The following GRIN3A variants were observed in gnomAD, a reference collection of about 807,000 sequenced individuals.
GRIN3A encodes the protein glutamate receptor ionotropic, NMDA 3A.
In GRIN3A, 47 loss-of-function variants were observed where a neutral mutation model predicts 92.4. The ratio of observed to expected loss-of-function variants is 0.51; its 90% CI spans 0.40 to 0.65. The LOEUF is 0.65. GRIN3A is among the 30% of genes least tolerant of loss of function. The pLI is 0.00. For synonymous variants in GRIN3A, 527 were observed against 540.6 expected, an observed-to-expected ratio of 0.97 and a Z score of 0.35; for missense variants, 1,324 against 1,393.1, an observed-to-expected ratio of 0.95 and a Z score of 0.79.
In GRIN3A at chr9:101,572,321, C is replaced by T. The variant is rs1588231991; in HGVS notation, c.*853G>A. ...GGTCCAACCTAAGGCCACAACCTTG[C>T]TTTGCCTTTTTCTCTCTTTTCCTTT... On this transcript the variant is annotated 3_prime_UTR_variant, in exon 9 of 9. Transcript: ENST00000361820. 1 of 152,718 alleles carries T rather than the reference C, an allele frequency of 6.5e-6. No individual in the cohort carries two copies. Among genetic ancestry groups the T allele is most frequent in the Non-Finnish European group, 1.5e-5 (1 of 68,076 alleles). 9.5% of individuals were successfully genotyped at this position (152,718 alleles called of 1,614,324 possible).
At chr9:101,711,856 G>A (rs1195541599) in intron 1 of GRIN3A, among the ~76,000 whole-genome samples, 3 of 152,140 alleles carry the variant, frequency 2.0e-5, no homozygotes, top group Non-Finnish European at 4.4e-5. Flanking sequence ...TTTAATGAGA[G>A]ACAGTAGCTA....
intron 6 of GRIN3A, among the ~76,000 whole-genome samples, chr9:101,598,509 GC>G (rs1828169764): frequency 6.6e-6 from 1 of 152,166 alleles, no homozygotes; most frequent in Non-Finnish European, 1.5e-5. Flanking sequence ...CCACTTAGTA[GC>G]AGTAAGACCT....
intron 3 of GRIN3A, among the ~76,000 whole-genome samples, chr9:101,657,763 A>G (rs1437113264): frequency 7.4e-6 from 1 of 134,596 alleles, no homozygotes; most frequent in Non-Finnish European, 1.7e-5. Context: ...CAGATAAGCA[A>G]CTTCTTCTTT....
intron 2 of GRIN3A, among the ~76,000 whole-genome samples, chr9:101,671,736 A>C (rs1427535642): frequency 6.6e-6 from 1 of 152,182 alleles, no homozygotes; most frequent in Non-Finnish European, 1.5e-5. Flanking sequence ...GATCTCATCC[A>C]TGGAACAAAG....
chr9:101,617,801 C>T (rs1371832231), intron 5 of GRIN3A, among the ~76,000 whole-genome samples: 1 of 143,740 alleles, frequency 7.0e-6, no homozygotes, highest in Non-Finnish European at 1.5e-5. Flanking sequence ...TCCCCCCTCC[C>T]CCAACCCCAC....
At chr9:101,588,344 C>T (rs1375158470) in intron 6 of GRIN3A, among the ~76,000 whole-genome samples, 1 of 152,110 alleles carries the variant, frequency 6.6e-6, no homozygotes, top group African/African-American at 2.4e-5. Context: ...AGTGCTCACA[C>T]ATTTGGATAA....
chr9:101,614,289 A>C (rs868834581), intron 5 of GRIN3A, among the ~76,000 whole-genome samples: 9 of 152,350 alleles, frequency 5.9e-5, no homozygotes, highest in African/African-American at 2.2e-4. Flanking sequence ...CGCCACAAGC[A>C]TATCAGGAGA....
At chr9:101,681,151 T>TA (rs1449588256) in intron 2 of GRIN3A, among the ~76,000 whole-genome samples, 1 of 152,172 alleles carries the variant, frequency 6.6e-6, no homozygotes, top group East Asian at 1.9e-4. Context: ...GAACAGCAGG[T>TA]AAATTCTCAA....
intron 1 of GRIN3A, among the ~76,000 whole-genome samples, chr9:101,732,021 T>G (rs1830144765): frequency 6.6e-6 from 1 of 152,246 alleles, no homozygotes; most frequent in Admixed American, 6.5e-5. Context: ...TATTCTTGTG[T>G]ATATGTGGCA....
At chr9:101,589,852 A>T (rs1373351647) in intron 6 of GRIN3A, among the ~76,000 whole-genome samples, 1 of 152,144 alleles carries the variant, frequency 6.6e-6, no homozygotes, top group East Asian at 1.9e-4. Flanking sequence ...CCTTCAGTCC[A>T]TTTTGAACTT....
At chr9:101,648,941 C>A (rs1828975406) in intron 3 of GRIN3A, among the ~76,000 whole-genome samples, 1 of 151,956 alleles carries the variant, frequency 6.6e-6, no homozygotes, top group South Asian at 2.1e-4. Context: ...ATAGTGAGCA[C>A]TGGAACTAAA....
chr9:101,605,409 G>T (rs1325925031), intron 6 of GRIN3A, among the ~76,000 whole-genome samples: 2 of 152,154 alleles, frequency 1.3e-5, no homozygotes, highest in Admixed American at 6.5e-5. Flanking sequence ...TTGTGTTCAT[G>T]ACATTTTGAT....
intron 1 of GRIN3A, among the ~76,000 whole-genome samples, chr9:101,725,061 C>G (rs1564153411): frequency 6.6e-6 from 1 of 152,122 alleles, no homozygotes; most frequent in Non-Finnish European, 1.5e-5. Flanking sequence ...AATACAGTTT[C>G]TTGAGTGTGG....
chr9:101,612,406 G>C (rs1027902020), intron 6 of GRIN3A, among the ~76,000 whole-genome samples: 3 of 152,160 alleles, frequency 2.0e-5, no homozygotes, highest in African/African-American at 4.8e-5. Flanking sequence ...AGATTTAGGA[G>C]GGAAGATCAA....
chr9:101,618,416 C>T (rs962239616), intron 5 of GRIN3A, among the ~76,000 whole-genome samples: 9 of 152,072 alleles, frequency 5.9e-5, no homozygotes, highest in African/African-American at 2.2e-4. Flanking sequence ...GAAAAGAAGA[C>T]ATTTATGCAG....
At position 101,623,439 on chromosome 9, in the gene GRIN3A, T is replaced by A; in HGVS notation, c.2499-6A>T. The A allele has an allele frequency of 6.5e-7, 1 of 1,544,622 alleles. No homozygotes were observed. The highest frequency in any genetic ancestry group is 1.1e-5 in the South Asian group (1 of 89,694). Reference sequence around the variant, plus strand: ...CTAGTTTCTCTGGATCATTCCTATATTTAAGACCAGAGGAGAAAAGTGAAA... The same window carrying A: ...CTAGTTTCTCTGGATCATTCCTATAATTAAGACCAGAGGAGAAAAGTGAAA... On this transcript the variant is annotated splice_region_variant and splice_polypyrimidine_tract_variant and intron_variant, in intron 4 of 8. Coordinates refer to ENST00000361820, the MANE Select transcript of GRIN3A (RefSeq NM_133445.3).
intron 3 of GRIN3A, among the ~76,000 whole-genome samples, chr9:101,652,224 A>C (rs944136361): frequency 3.9e-5 from 6 of 152,022 alleles, no homozygotes; most frequent in African/African-American, 1.4e-4. Context: ...GTTATGGAAC[A>C]GAGACAAAAT....
chr9:101,637,124 G>A (rs139178972), intron 3 of GRIN3A, among the ~76,000 whole-genome samples: 8 of 151,532 alleles, frequency 5.3e-5, no homozygotes, highest in East Asian at 1.9e-4. Context: ...ACAGAGTCTC[G>A]CTCTGTCGCC....
intron 4 of GRIN3A, 87 bp from the exon 5 acceptor site, chr9:101,623,520 G>C: frequency 1.1e-6 from 1 of 915,112 alleles, no homozygotes; most frequent in Non-Finnish European, 1.8e-6. Context: ...TTGTTTAGGG[G>C]ACAGAACCCG....
Sources: allele counts gnomAD v4.1 joint callset (sites outside exome capture counted in the v4.1 genomes callset), GRCh38; gene constraint gnomAD v4.1.1; transcripts MANE v1.5; gene names NCBI Gene and HGNC (gene_info 2026-07-23, HGNC 2026-07-21).